The following RBFOX2 variants were observed in gnomAD, a reference collection of about 807,000 sequenced individuals.
The protein encoded by RBFOX2 is RNA binding fox-1 homolog 2.
A neutral mutation model predicts 49.1 loss-of-function variants in RBFOX2; 10 were observed. The observed-to-expected ratio is 0.20, with a 90% CI of 0.13 to 0.35. The LOEUF is 0.35. RBFOX2 is among the 10% of genes least tolerant of loss of function. The pLI, the probability that RBFOX2 is intolerant of heterozygous loss-of-function variation, is 1.00. For synonymous variants in RBFOX2, 183 were observed against 187.4 expected (o/e 0.98, Z 0.19); for missense variants, 323 against 486.9 (o/e 0.66, Z 3.17).
At chr22:35,908,800 A>C (rs965333225) in intron 1 of RBFOX2, among the ~76,000 whole-genome samples, 7 of 151,752 alleles carry the variant, frequency 4.6e-5, no homozygotes, top group African/African-American at 1.7e-4. Flanking sequence ...GGGCTCAAGG[A>C]ATTCAGTGAA....
At chr22:35,764,021 A>G (rs1939939535) in intron 6 of RBFOX2, among the ~76,000 whole-genome samples, 1 of 152,142 alleles carries the variant, frequency 6.6e-6, no homozygotes, top group South Asian at 2.1e-4. Context: ...GTTTACTTTG[A>G]GTTTTTATCA....
Position 35,952,977 on chromosome 22 carries a change from T to C in RBFOX2, c.42+8586A>G, listed in dbSNP as rs1044056807. The stretch of plus-strand genomic sequence containing the variant: ...CTGTAATCCCAGAATTTTGGGAGGC[T>C]GTGGCGGGCGGATCACGAGGTCAGG... On this transcript the variant is annotated intron_variant, in intron 1 of 5. Coordinates refer to the RBFOX2 transcript ENST00000408983. 2.6e-5 allele frequency among the ~76,000 whole-genome samples: 4 copies of C among 152,062 alleles called. No homozygotes were observed. The East Asian group carries it at 7.7e-4, about 29-fold the overall frequency.
intron 1 of RBFOX2, among the ~76,000 whole-genome samples, chr22:35,984,441 G>C (rs1004898171): frequency 1.3e-5 from 2 of 152,158 alleles, no homozygotes; most frequent in South Asian, 4.1e-4. Flanking sequence ...CTTTGCACAA[G>C]GCAGAGTGTG....
chr22:35,916,979 A>G (rs2050500823), intron 1 of RBFOX2, among the ~76,000 whole-genome samples: 1 of 152,218 alleles, frequency 6.6e-6, no homozygotes, highest in African/African-American at 2.4e-5. Flanking sequence ...AGTACCTGGT[A>G]CTATAAATTA....
chr22:35,776,976 A>G (rs1224610379), intron 4 of RBFOX2, among the ~76,000 whole-genome samples: 2 of 151,756 alleles, frequency 1.3e-5, no homozygotes, highest in Admixed American at 6.6e-5. Flanking sequence ...ATTCTAAATC[A>G]TACAGATTGG....
chr22:35,756,159 C>CACAAAA lies in RBFOX2; in HGVS notation c.887+3723_887+3728dup. 1.3e-6 allele frequency: 2 copies of CACAAAA among 1,491,750 alleles called. No individual in the cohort carries two copies. Among genetic ancestry groups the CACAAAA allele is most frequent in the Non-Finnish European group, 1.8e-6 (2 of 1,112,192 alleles). 92.4% of individuals were successfully genotyped at this position (1,491,750 alleles called of 1,614,324 possible). A position where few individuals can be genotyped will look rare whatever the true frequency, so the allele number is the denominator to read the frequency against. The stretch of plus-strand genomic sequence containing the variant: ...GGTAAACCACACTGCAGAAAATCCA[C>CACAAAA]ACAAAAACAAAAACAAAAAAAACAA... On this transcript the variant is annotated intron_variant, in intron 9 of 11. Coordinates refer to ENST00000405409, the Ensembl canonical transcript of RBFOX2.
intron 1 of RBFOX2, among the ~76,000 whole-genome samples, chr22:35,820,196 A>C (rs1437356890): frequency 1.3e-5 from 2 of 152,196 alleles, no homozygotes. Flanking sequence ...AGTTCTGAGC[A>C]GAGAAGTGAT....
At chr22:35,864,152 CACTTGGAAAAAATAA>C (rs2043406497) in intron 1 of RBFOX2, among the ~76,000 whole-genome samples, 1 of 152,080 alleles carries the variant, frequency 6.6e-6, no homozygotes, top group African/African-American at 2.4e-5. Flanking sequence ...TTACCTATTT[CACTTGGAAAAAATAA>C]AGTACAGCTG....
chr22:35,956,946 C>A (rs1214950947), intron 1 of RBFOX2, among the ~76,000 whole-genome samples: 1 of 152,184 alleles, frequency 6.6e-6, no homozygotes, highest in Non-Finnish European at 1.5e-5. Context: ...TTCTCCCCTT[C>A]TTTAACTGTT....
chr22:35,857,236 T>C (rs2042616615), intron 1 of RBFOX2, among the ~76,000 whole-genome samples: 1 of 152,114 alleles, frequency 6.6e-6, no homozygotes, highest in African/African-American at 2.4e-5. Flanking sequence ...TAAATAACGT[T>C]TTGTGAAAAT....
At chr22:35,836,085 G>T (rs914525441) in intron 1 of RBFOX2, among the ~76,000 whole-genome samples, 1 of 152,118 alleles carries the variant, frequency 6.6e-6, no homozygotes. Flanking sequence ...CAGCTCCGTG[G>T]ATGAAGGGTG....
At chr22:35,851,429 G>C (rs2041920588) in intron 1 of RBFOX2, among the ~76,000 whole-genome samples, 1 of 152,146 alleles carries the variant, frequency 6.6e-6, no homozygotes, top group Admixed American at 6.5e-5. Flanking sequence ...ACAGTTTATG[G>C]GAGAAATAGA....
In RBFOX2 at chr22:35,866,644, T is replaced by C. The variant is rs147313025; in HGVS notation, c.-33-56640A>G. Among the ~76,000 whole-genome samples, 56 of 152,228 alleles carry C rather than the reference T, an allele frequency of 3.7e-4. 1 individual carries two copies. The highest frequency in any genetic ancestry group is 1.3e-3 in the African/African-American group (54 of 41,520). ...ACAGGGTGGTGAGTTCCTTGGGTTT[T>C]CTTCTTGCCTCATGTAGCCCAGACT... On this transcript the variant is annotated intron_variant, in intron 1 of 13. Transcript: ENST00000359369.
At chr22:35,973,387 C>G (rs1202411300) in intron 1 of RBFOX2, among the ~76,000 whole-genome samples, 1 of 152,170 alleles carries the variant, frequency 6.6e-6, no homozygotes, top group African/African-American at 2.4e-5. Flanking sequence ...AGAGGGGGGA[C>G]AGACCAACAT....
intron 1 of RBFOX2, among the ~76,000 whole-genome samples, chr22:36,020,253 C>T (rs1345218784): frequency 1.5e-4 from 23 of 152,026 alleles, no homozygotes; most frequent in African/African-American, 4.8e-4. Context: ...TAATTCAAGA[C>T]GGATTAAAGA....
chr22:35,864,984 A>G (rs575927523), intron 1 of RBFOX2, among the ~76,000 whole-genome samples: 2 of 152,370 alleles, frequency 1.3e-5, no homozygotes, highest in African/African-American at 4.8e-5. Context: ...CTTAGGTTTA[A>G]GAATACAGAA....
At chr22:35,829,548 T>G (rs558752316) in intron 1 of RBFOX2, among the ~76,000 whole-genome samples, 2 of 151,348 alleles carry the variant, frequency 1.3e-5, no homozygotes, top group Non-Finnish European at 2.9e-5. Context: ...TGTTACCATA[T>G]AGAAAAGATC....
chr22:35,783,130 T>C (rs1375545573), intron 2 of RBFOX2, among the ~76,000 whole-genome samples: 1 of 152,238 alleles, frequency 6.6e-6, no homozygotes, highest in Non-Finnish European at 1.5e-5. Context: ...TTGAGCACTC[T>C]GGTGCTTCCA....
At position 35,810,007 on chromosome 22, in the gene RBFOX2, AAAAC is replaced by A. The variant is rs1205231747; in HGVS notation, c.28-7_28-4del. ...GTTGTTGTCGGCTCCTGGTTACCCT[AAAAC>A]AAACAACAAGAGAAAGAAAAAGTGA... On this transcript the variant is annotated splice_polypyrimidine_tract_variant and splice_region_variant and intron_variant, in intron 1 of 11. Transcript: ENST00000405409. 6.2e-7 allele frequency: 1 copy of A among 1,613,728 alleles called. No individual in the cohort carries two copies. Among genetic ancestry groups the A allele is most frequent in the East Asian group, 2.2e-5 (1 of 44,880 alleles).
Sources: gnomAD v4.1 joint callset for allele counts (sites outside exome capture counted in the v4.1 genomes callset) on GRCh38, gnomAD v4.1.1 for gene constraint, MANE v1.5 for transcripts, NCBI Gene and HGNC (gene_info 2026-07-23, HGNC 2026-07-21) for gene names.